The following MAP3K5 variants were observed in gnomAD, a reference collection of about 807,000 sequenced individuals.
MAP3K5 encodes the protein mitogen-activated protein kinase kinase kinase 5.
Under a neutral mutation model 158.7 loss-of-function variants are expected in MAP3K5, and 56 were observed. The ratio of observed to expected loss-of-function variants is 0.35; its 90% confidence interval spans 0.28 to 0.44. The LOEUF is 0.44. MAP3K5 is among the 20% of genes least tolerant of loss of function. The pLI, the probability that MAP3K5 is intolerant of heterozygous loss-of-function variation, is 1.00. For synonymous variants in MAP3K5, 579 were observed against 601.7 expected (o/e 0.96, Z 0.55); for missense variants, 1,294 against 1,674.8 (o/e 0.77, Z 3.97).
At chr6:136,767,792 C>T (rs1784025695) in intron 1 of MAP3K5, among the ~76,000 whole-genome samples, 1 of 152,054 alleles carries the variant, frequency 6.6e-6, no homozygotes, top group Admixed American at 6.6e-5. Flanking sequence ...CAACTTTTTA[C>T]AAAGCAAAAG....
At chr6:136,616,057 T>C (rs1776548036) in intron 15 of MAP3K5, among the ~76,000 whole-genome samples, 1 of 152,172 alleles carries the variant, frequency 6.6e-6, no homozygotes, top group South Asian at 2.1e-4. Flanking sequence ...GATTATTCTT[T>C]TTTTCTTTAG....
At position 136,658,305 on chromosome 6, in the gene MAP3K5, CTTTCTTTCTTTTTTT is replaced by C. The variant is rs1444116707; in HGVS notation, c.1526+899_1526+913del. 8.5e-4 allele frequency among the ~76,000 whole-genome samples: 95 copies of C among 112,234 alleles called. 1 individual carries two copies. The highest frequency in any genetic ancestry group is 2.7e-3 in the African/African-American group (77 of 28,786). The allele number at this position is 112,234 out of a possible 152,430, so 73.6% of individuals were successfully genotyped here. ...CTTTTTCTTTTTCTTTTCTTTCTTT[CTTTCTTTCTTTTTTT>C]TTTTTTTTTTTTGAGACAGAGTCTT... On this transcript the variant is annotated intron_variant, in intron 9 of 29. Transcript: ENST00000359015.
chr6:136,601,856 C>A lies in MAP3K5; in HGVS notation c.2803G>T (p.Asp935Tyr). ...KRACANDLLV[D>Y]EFLKVSSKKK... Reference sequence around the variant, plus strand: ...TTGCTTGAAACTTTTAAAAACTCATCAACAAGCAAGTCGTTAGCACAGGCT... The same window carrying A: ...TTGCTTGAAACTTTTAAAAACTCATAAACAAGCAAGTCGTTAGCACAGGCT... Residue 935 changes from aspartate (D) to tyrosine (Y), a missense_variant, in exon 20 of 30, where the codon GAT (aspartate) becomes TAT (tyrosine). Asp to Tyr is a radical substitution (Grantham distance 160). Around this residue, in one of 5 missense-constraint regions of MAP3K5, gnomAD observed 362 missense variants for 463.2 expected, o/e 0.78. Coordinates refer to ENST00000359015, the MANE Select transcript of MAP3K5 (RefSeq NM_005923.4). 1 of 1,614,176 alleles carries A rather than the reference C, an allele frequency of 6.2e-7. No individual in the cohort carries two copies. Among genetic ancestry groups the A allele is most frequent in the African/African-American group, 1.3e-5 (1 of 75,054 alleles).
chr6:136,711,793 G>T (rs763179526), intron 2 of MAP3K5, among the ~76,000 whole-genome samples: 7 of 152,178 alleles, frequency 4.6e-5, no homozygotes, highest in Non-Finnish European at 8.8e-5. Context: ...GTAAGTTAAT[G>T]AAATTACTTG....
intron 13 of MAP3K5, among the ~76,000 whole-genome samples, chr6:136,638,321 T>C (rs745320618): frequency 6.6e-6 from 1 of 152,212 alleles, no homozygotes; most frequent in Non-Finnish European, 1.5e-5. Flanking sequence ...CTAGGCAGAA[T>C]ATAACACTCG....
intron 1 of MAP3K5, among the ~76,000 whole-genome samples, chr6:136,730,121 C>T (rs35342788): frequency 0.08 from 12,050 of 151,530 alleles, 1,573 homozygotes; most frequent in African/African-American, 0.28. Context: ...CACAAGTACA[C>T]GCCACCATAC....
At chr6:136,720,678 A>C in intron 1 of MAP3K5, 89 bp from the exon 2 acceptor site, 2 of 927,242 alleles carry the variant, frequency 2.2e-6, no homozygotes, top group Non-Finnish European at 3.2e-6. Context: ...TAGTATTCAA[A>C]AGAGGAAATA....
chr6:136,558,070 A>G (rs910586766), intron 29 of MAP3K5, among the ~76,000 whole-genome samples: 28 of 152,200 alleles, frequency 1.8e-4, no homozygotes, highest in Admixed American at 8.5e-4. Context: ...TGTCTTTATA[A>G]TGGTGGGTAT....
chr6:136,560,579 C>G (rs1337715561), intron 28 of MAP3K5, among the ~76,000 whole-genome samples: 2 of 152,070 alleles, frequency 1.3e-5, no homozygotes, highest in Admixed American at 1.3e-4. Context: ...ATAAGTCGAC[C>G]AGATTGATTT....
In MAP3K5 at chr6:136,614,137, TAAAG is replaced by T; in HGVS notation, c.2278+18_2278+21del. The stretch of plus-strand genomic sequence containing the variant: ...CGAAGCTCTAAACATTCACACTTTT[TAAAG>T]AAAGAAATATCTCTTACCTCCAGGG... On this transcript the variant is annotated intron_variant, in intron 16 of 29. Coordinates refer to ENST00000359015, the MANE Select transcript of MAP3K5 (RefSeq NM_005923.4). The T allele has an allele frequency of 6.2e-7, 1 of 1,607,676 alleles. No homozygotes were observed. Among genetic ancestry groups the T allele is most frequent in the South Asian group, 1.1e-5 (1 of 90,562 alleles).
Position 136,749,160 on chromosome 6 carries a change from G to T in MAP3K5, c.449-28571C>A, listed in dbSNP as rs1582635399. On this transcript the variant is annotated intron_variant, in intron 1 of 29. Coordinates refer to ENST00000359015, the MANE Select transcript of MAP3K5 (RefSeq NM_005923.4). ...CAGGGGTGCTGGCAGATCACTTGAG[G>T]TCAGGAGTTCGAGACCAGCCTGGCC... Among the ~76,000 whole-genome samples, 4 of 152,120 alleles carry T rather than the reference G, an allele frequency of 2.6e-5. No homozygotes were observed. The East Asian group carries it at 7.7e-4, about 29-fold the overall frequency.
intron 7 of MAP3K5, among the ~76,000 whole-genome samples, chr6:136,678,536 A>C (rs183248813): frequency 6.6e-6 from 1 of 152,334 alleles, no homozygotes; most frequent in Admixed American, 6.5e-5. Context: ...ACTATCTATA[A>C]AGATAGAGAA....
intron 21 of MAP3K5, among the ~76,000 whole-genome samples, chr6:136,600,544 G>A (rs1161353023): frequency 6.6e-6 from 1 of 151,976 alleles, no homozygotes; most frequent in Non-Finnish European, 1.5e-5. Context: ...GATCTTCTTA[G>A]AGCAAATCTA....
intron 6 of MAP3K5, among the ~76,000 whole-genome samples, chr6:136,695,459 A>C (rs1780564126): frequency 6.6e-6 from 1 of 152,214 alleles, no homozygotes; most frequent in Non-Finnish European, 1.5e-5. Context: ...GTTTCAATAA[A>C]GCTATTATAA....
chr6:136,637,959 T>A (rs1442676517), intron 13 of MAP3K5, among the ~76,000 whole-genome samples: 18 of 152,164 alleles, frequency 1.2e-4, no homozygotes, highest in Admixed American at 1.2e-3. Flanking sequence ...TCACTGAGTG[T>A]CTACTAGGAT....
intron 1 of MAP3K5, among the ~76,000 whole-genome samples, chr6:136,725,448 T>C (rs1282243731): frequency 1.3e-5 from 2 of 152,238 alleles, no homozygotes; most frequent in African/African-American, 4.8e-5. Context: ...ATTTCCCTAA[T>C]GACTAATGAG....
chr6:136,567,566 A>G, intron 26 of MAP3K5, 65 bp downstream of exon 26: 2 of 1,501,462 alleles, frequency 1.3e-6, no homozygotes, highest in Non-Finnish European at 1.8e-6. Context: ...TCTGTAGACC[A>G]AAAACACATG....
intron 25 of MAP3K5, among the ~76,000 whole-genome samples, chr6:136,577,236 T>C (rs903707468): frequency 3.3e-5 from 5 of 152,236 alleles, no homozygotes; most frequent in African/African-American, 1.2e-4. Flanking sequence ...TATATCTTAA[T>C]GGCATAACAA....
chr6:136,684,519 G>A (rs1261140036), intron 7 of MAP3K5, among the ~76,000 whole-genome samples: 4 of 152,142 alleles, frequency 2.6e-5, no homozygotes, highest in Non-Finnish European at 5.9e-5. Flanking sequence ...GTCCTCTAAG[G>A]CATGGTGATT....
Sources: allele counts gnomAD v4.1 joint callset (sites outside exome capture counted in the v4.1 genomes callset), GRCh38; gene constraint gnomAD v4.1.1; regional missense constraint gnomAD v4.1.1; transcripts MANE v1.5; gene names NCBI Gene and HGNC (gene_info 2026-07-23, HGNC 2026-07-21).